Variants in NRG1 observed in about 807,000 individuals in gnomAD.
NRG1 encodes the protein pro-neuregulin-1, membrane-bound isoform.
Under a neutral mutation model 63.8 loss-of-function variants are expected in NRG1, and 18 were observed. That is an observed-to-expected ratio of 0.28 (90% CI 0.19 to 0.42). The LOEUF (loss-of-function observed/expected upper bound fraction) is 0.42. NRG1 is among the 10% of genes least tolerant of loss of function. The pLI, the probability that NRG1 is intolerant of heterozygous loss-of-function variation, is 1.00. For missense variants in NRG1, 762 were observed against 814.7 expected, an observed-to-expected ratio of 0.94 and a Z score of 0.79; for synonymous variants, 302 against 301.3, an observed-to-expected ratio of 1.00 and a Z score of -0.02.
chr8:32,644,134 G>C (rs899090464), intron 5 of NRG1, among the ~76,000 whole-genome samples: 1 of 152,140 alleles, frequency 6.6e-6, no homozygotes, highest in African/African-American at 2.4e-5. Context: ...CAGAAATAAT[G>C]TATATTATGA....
chr8:32,547,116 A>G (rs1675671532), upstream of NRG1, among the ~76,000 whole-genome samples: 1 of 152,218 alleles, frequency 6.6e-6, no homozygotes, highest in Non-Finnish European at 1.5e-5. Context: ...AGTTAACCAC[A>G]GCTGTGGTAT....
intron 1 of NRG1, among the ~76,000 whole-genome samples, chr8:32,557,697 C>T (rs1835447237): frequency 1.3e-5 from 2 of 152,042 alleles, no homozygotes. Flanking sequence ...GAGTTGGAAC[C>T]TTCCCGGGGG....
chr8:31,986,666 C>T (rs558456259), intron 1 of NRG1, among the ~76,000 whole-genome samples: 11 of 152,038 alleles, frequency 7.2e-5, no homozygotes, highest in Non-Finnish European at 1.5e-4. Context: ...GAGTTTTGTA[C>T]GAATTGGCCA....
chr8:32,235,533 T>G (rs1358309696), intron 1 of NRG1, among the ~76,000 whole-genome samples: 1 of 152,142 alleles, frequency 6.6e-6, no homozygotes, highest in East Asian at 1.9e-4. Flanking sequence ...ATACAAATTC[T>G]GAGCCCCCAT....
intron 1 of NRG1, among the ~76,000 whole-genome samples, chr8:32,257,741 C>T (rs746930168): frequency 7.2e-5 from 11 of 152,234 alleles, no homozygotes; most frequent in East Asian, 1.9e-4. Flanking sequence ...AGGGGCAGGG[C>T]GACCCACTTC....
chr8:32,352,873 G>A (rs1010684732), intron 1 of NRG1, among the ~76,000 whole-genome samples: 1 of 150,386 alleles, frequency 6.6e-6, no homozygotes, highest in Non-Finnish European at 1.5e-5. Flanking sequence ...ATGGGACCTT[G>A]TCTCAATTTT....
chr8:32,377,742 A>G (rs1344706659), intron 1 of NRG1, among the ~76,000 whole-genome samples: 1 of 152,174 alleles, frequency 6.6e-6, no homozygotes, highest in Non-Finnish European at 1.5e-5. Context: ...GAACCAATGT[A>G]TCCATCAAAG....
upstream of NRG1, among the ~76,000 whole-genome samples, chr8:32,544,043 T>C (rs6468119): frequency 0.56 from 85,780 of 152,020 alleles, 24,637 homozygotes; most frequent in East Asian, 0.81. Context: ...ATCTCAGTTT[T>C]GTGTGTATTC....
intron 5 of NRG1, among the ~76,000 whole-genome samples, chr8:32,673,671 G>A (rs916245709): frequency 6.6e-6 from 1 of 152,044 alleles, no homozygotes. Flanking sequence ...AGTAAGTCAG[G>A]CATCTACAGG....
intron 1 of NRG1, among the ~76,000 whole-genome samples, chr8:32,536,376 G>A (rs1831968049): frequency 6.6e-6 from 1 of 152,102 alleles, no homozygotes; most frequent in African/African-American, 2.4e-5. Flanking sequence ...CTCACTATAC[G>A]ACAGCTACTT....
chr8:32,158,448 G>GAGATATATATATATATATATAT (rs1554641400), intron 1 of NRG1, among the ~76,000 whole-genome samples: 1 of 62,184 alleles, frequency 1.6e-5, no homozygotes, highest in Non-Finnish European at 3.9e-5. Flanking sequence ...TGGTTTACAT[G>GAGATATATATATATATATATAT]ATATATATAT....
In NRG1 at chr8:31,813,331, A is replaced by C. The variant is rs116876709; in HGVS notation, c.37+173900A>C. ...TGGGGTACATGTGATACTTTGGTGC[A>C]GGCATGCACTACATAATAATCATTT... On this transcript the variant is annotated intron_variant, in intron 1 of 10. Transcript: ENST00000519301. Among the ~76,000 whole-genome samples the C allele has an allele frequency of 2.1e-3, 326 of 152,242 alleles. 1 individual carries two copies. The highest frequency in any genetic ancestry group is 3.7e-3 in the Non-Finnish European group (254 of 68,008).
At chr8:31,674,088 A>C (rs1807434984) in intron 1 of NRG1, among the ~76,000 whole-genome samples, 1 of 152,176 alleles carries the variant, frequency 6.6e-6, no homozygotes, top group Non-Finnish European at 1.5e-5. Context: ...GTGTAAAGTT[A>C]TTGAGGTTCA....
intron 1 of NRG1, among the ~76,000 whole-genome samples, chr8:32,470,469 A>G (rs573056350): frequency 8.8e-5 from 13 of 147,892 alleles, no homozygotes; most frequent in South Asian, 8.7e-4. Flanking sequence ...CTTCCAAAGT[A>G]CTGGGATTAC....
At chr8:31,854,119 G>C (rs1827568738) in intron 1 of NRG1, among the ~76,000 whole-genome samples, 1 of 151,788 alleles carries the variant, frequency 6.6e-6, no homozygotes, top group East Asian at 1.9e-4. Flanking sequence ...GGATGATGCT[G>C]GCCTCATAAA....
intron 1 of NRG1, among the ~76,000 whole-genome samples, chr8:31,664,976 A>G (rs191232975): frequency 2.0e-5 from 3 of 152,318 alleles, no homozygotes; most frequent in Admixed American, 2.0e-4. Flanking sequence ...CAGGTCATAG[A>G]TAAATGATTT....
chr8:32,069,125 G>A (rs1465147682), intron 1 of NRG1, among the ~76,000 whole-genome samples: 1 of 152,162 alleles, frequency 6.6e-6, no homozygotes, highest in African/African-American at 2.4e-5. Context: ...CGTCCTCAGG[G>A]TCTGTCTGCT....
intron 1 of NRG1, among the ~76,000 whole-genome samples, chr8:32,356,139 G>A (rs966143058): frequency 1.1e-4 from 17 of 152,128 alleles, no homozygotes; most frequent in African/African-American, 4.1e-4. Flanking sequence ...GATTTGATGA[G>A]TACTTAAGAA....
intron 1 of NRG1, among the ~76,000 whole-genome samples, chr8:32,501,742 C>A (rs1312648918): frequency 6.6e-6 from 1 of 152,108 alleles, no homozygotes; most frequent in Non-Finnish European, 1.5e-5. Context: ...CTGAAATAAT[C>A]AAAGACATAA....
Sources: allele counts gnomAD v4.1 joint callset (sites outside exome capture counted in the v4.1 genomes callset), GRCh38; gene constraint gnomAD v4.1.1; transcripts MANE v1.5; gene names NCBI Gene and HGNC (gene_info 2026-07-23, HGNC 2026-07-21).